Variants in PTPRD observed in about 807,000 individuals in gnomAD.
PTPRD encodes protein tyrosine phosphatase receptor type D.
A neutral mutation model predicts 214.5 loss-of-function variants in PTPRD; 34 were observed. The ratio of observed to expected loss-of-function variants is 0.16; its 90% CI spans 0.12 to 0.21. PTPRD has a LOEUF of 0.21. PTPRD is among the 10% of genes least tolerant of loss of function. The pLI is 1.00. For missense variants in PTPRD, 2,545 were observed against 2,398.7 expected, an observed-to-expected ratio of 1.06 and a Z score of -1.27; for synonymous variants, 1,128 against 845.7, an observed-to-expected ratio of 1.33 and a Z score of -5.79.
intron 3 of PTPRD, among the ~76,000 whole-genome samples, chr9:10,111,228 T>A (rs1403934518): frequency 7.7e-6 from 1 of 129,216 alleles, no homozygotes; most frequent in African/African-American, 2.9e-5. Context: ...CAGTTTAGTT[T>A]CTTTTTTTTT....
intron 6 of PTPRD, among the ~76,000 whole-genome samples, chr9:9,758,177 T>C (rs1325973767): frequency 7.8e-6 from 1 of 128,928 alleles, no homozygotes; most frequent in Non-Finnish European, 1.6e-5. Context: ...TATTCTCCCT[T>C]AGCAGACTTT....
chr9:9,251,555 G>A (rs2099975487), intron 9 of PTPRD, among the ~76,000 whole-genome samples: 1 of 151,954 alleles, frequency 6.6e-6, no homozygotes, highest in Non-Finnish European at 1.5e-5. Flanking sequence ...ACAGTTGAAT[G>A]TACTTTCCTT....
intron 5 of PTPRD, among the ~76,000 whole-genome samples, chr9:9,912,503 A>G (rs1487854534): frequency 6.6e-6 from 1 of 152,124 alleles, no homozygotes; most frequent in Non-Finnish European, 1.5e-5. Flanking sequence ...TTGCACTGAC[A>G]CTCCTCAATA....
At chr9:8,776,700 A>G (rs2095490637) in intron 11 of PTPRD, among the ~76,000 whole-genome samples, 1 of 151,762 alleles carries the variant, frequency 6.6e-6, no homozygotes, top group East Asian at 1.9e-4. Flanking sequence ...AGGACATTTG[A>G]GAGGCAGGGA....
At chr9:8,526,745 G>C (rs568414301) in intron 16 of PTPRD, 101 bp from the exon 17 acceptor site, 2 of 937,158 alleles carry the variant, frequency 2.1e-6, no homozygotes, top group Admixed American at 2.6e-5. Flanking sequence ...TAGATTTACA[G>C]AATTAAATAA....
chr9:8,913,548 ATT>A (rs1426057698), intron 11 of PTPRD, among the ~76,000 whole-genome samples: 1 of 152,096 alleles, frequency 6.6e-6, no homozygotes, highest in Non-Finnish European at 1.5e-5. Flanking sequence ...TTTTTTCTTA[ATT>A]TAAATAAAAA....
In PTPRD at chr9:9,336,216, C is replaced by T. The variant is rs143126516; in HGVS notation, c.-203+61233G>A. Among the ~76,000 whole-genome samples the T allele has an allele frequency of 6.2e-3, 935 of 150,440 alleles. 14 individuals carry two copies. The highest frequency in any genetic ancestry group is 0.023 in the African/African-American group (911 of 39,902). The stretch of plus-strand genomic sequence containing the variant: ...TAAAGCTACTTCCTCATGTATCTTC[C>T]TCCAGAGAGAGTTACACATGTTTAG... On this transcript the variant is annotated intron_variant, in intron 9 of 45. Coordinates refer to ENST00000381196, the MANE Select transcript of PTPRD (RefSeq NM_002839.4).
intron 3 of PTPRD, among the ~76,000 whole-genome samples, chr9:10,208,328 C>T (rs1458062278): frequency 6.6e-6 from 1 of 152,160 alleles, no homozygotes; most frequent in African/African-American, 2.4e-5. Flanking sequence ...TCCTGGCTAA[C>T]ACGGTGAAAC....
intron 5 of PTPRD, among the ~76,000 whole-genome samples, chr9:9,880,628 T>C (rs1448528987): frequency 6.6e-6 from 1 of 152,178 alleles, no homozygotes; most frequent in Non-Finnish European, 1.5e-5. Flanking sequence ...TCTTTGGGAC[T>C]CTGTGTGTGT....
chr9:10,118,508 C>G (rs945950326), intron 3 of PTPRD, among the ~76,000 whole-genome samples: 24 of 151,748 alleles, frequency 1.6e-4, no homozygotes, highest in Non-Finnish European at 3.4e-4. Flanking sequence ...TCAACATATA[C>G]TACTCAATAT....
intron 27 of PTPRD, among the ~76,000 whole-genome samples, chr9:8,489,502 T>C (rs1165762126): frequency 6.6e-6 from 1 of 152,002 alleles, no homozygotes; most frequent in Non-Finnish European, 1.5e-5. Context: ...CCACAAAGCA[T>C]AAAGGAAGGA....
intron 9 of PTPRD, among the ~76,000 whole-genome samples, chr9:9,198,878 TC>T (rs2132193474): frequency 6.6e-6 from 1 of 152,308 alleles, no homozygotes; most frequent in South Asian, 2.1e-4. Flanking sequence ...CCTACATGCA[TC>T]CCATTATGGA....
intron 7 of PTPRD, among the ~76,000 whole-genome samples, chr9:9,718,035 T>C (rs574111683): frequency 6.6e-6 from 1 of 152,180 alleles, no homozygotes; most frequent in Non-Finnish European, 1.5e-5. Flanking sequence ...TGGGGTGAAA[T>C]AGGCATTGCT....
At chr9:9,015,246 CATTCTAAGTCACAGG>C (rs2099529740) in intron 11 of PTPRD, among the ~76,000 whole-genome samples, 1 of 152,056 alleles carries the variant, frequency 6.6e-6, no homozygotes, top group South Asian at 2.1e-4. Flanking sequence ...AGGGTTAAGG[CATTCTAAGTCACAGG>C]ATGAGATAGG....
intron 2 of PTPRD, among the ~76,000 whole-genome samples, chr9:10,361,254 C>T (rs1040458567): frequency 6.6e-6 from 1 of 152,148 alleles, no homozygotes; most frequent in African/African-American, 2.4e-5. Flanking sequence ...TGCTTTCAAT[C>T]TGTTGTGGTA....
At chr9:8,794,415 C>G (rs1226318354) in intron 11 of PTPRD, among the ~76,000 whole-genome samples, 2 of 151,928 alleles carry the variant, frequency 1.3e-5, no homozygotes, top group Non-Finnish European at 2.9e-5. Flanking sequence ...TTATCTATAT[C>G]ACACTACTTT....
intron 10 of PTPRD, among the ~76,000 whole-genome samples, chr9:9,069,898 T>A (rs2099741237): frequency 6.6e-6 from 1 of 152,196 alleles, no homozygotes; most frequent in African/African-American, 2.4e-5. Context: ...TTGAGGATCA[T>A]CTATTGCTTA....
intron 5 of PTPRD, among the ~76,000 whole-genome samples, chr9:9,911,515 CAG>C (rs2079182845): frequency 6.7e-6 from 1 of 148,956 alleles, no homozygotes; most frequent in Non-Finnish European, 1.5e-5. Flanking sequence ...TTACCATACA[CAG>C]AGTTATACTG....
At chr9:9,617,680 T>G (rs1448901136) in intron 7 of PTPRD, among the ~76,000 whole-genome samples, 1 of 151,776 alleles carries the variant, frequency 6.6e-6, no homozygotes, top group African/African-American at 2.4e-5. Context: ...ATTTGAAGGG[T>G]GGGGTGAAGT....
Sources: allele counts gnomAD v4.1 joint callset (sites outside exome capture counted in the v4.1 genomes callset), GRCh38; gene constraint gnomAD v4.1.1; transcripts MANE v1.5; gene names NCBI Gene and HGNC (gene_info 2026-07-23, HGNC 2026-07-21).